The following ANG variants were observed in gnomAD, a reference collection of about 807,000 sequenced individuals.
ANG encodes angiogenin.
For missense variants in ANG, 178 were observed against 187.4 expected (o/e 0.95, Z 0.29); for synonymous variants, 74 against 73.8 (o/e 1.00, Z -0.02).
chr14:20,693,462 T>C, intron 1 of ANG, 85 bp from the exon 2 acceptor site: 2 of 1,545,622 alleles, frequency 1.3e-6, no homozygotes, highest in South Asian at 1.1e-5. Flanking sequence ...CATGATGCCG[T>C]GTCAGAGAGC....
Position 20,693,776 on chromosome 14 carries a change from A to G in ANG, c.212A>G (p.His71Arg), listed in dbSNP as rs1478131226. The G allele has an allele frequency of 1.9e-6, 3 of 1,614,198 alleles. No individual in the cohort carries two copies. The highest frequency in any genetic ancestry group is 1.3e-5 in the African/African-American group (1 of 75,048). The change falls in exon 2 of 2, where the codon CAT becomes CGT. Residue 71 changes from histidine (H) to arginine (R), a missense_variant. Coordinates refer to ENST00000397990, the MANE Select transcript of ANG (RefSeq NM_001097577.3). ...SPCKDINTFI[H>R]GNKRSIKAIC... ...TGCAAAGACATCAACACATTTATTC[A>G]TGGCAACAAGCGCAGCATCAAGGCC...
chr14:20,686,948 C>G, upstream of ANG, among the ~76,000 whole-genome samples: 1 of 152,234 alleles, frequency 6.6e-6, no homozygotes, highest in African/African-American at 2.4e-5. Flanking sequence ...AAACAGGACC[C>G]GTGCATCCCG....
upstream of ANG, chr14:20,684,403 C>T (rs1417262665): frequency 2.0e-5 from 3 of 152,236 alleles, no homozygotes; most frequent in Non-Finnish European, 4.4e-5. Context: ...GCGCGGATCC[C>T]AGGCTCGTTC....
upstream of ANG, among the ~76,000 whole-genome samples, chr14:20,687,487 G>A (rs1886480341): frequency 6.6e-6 from 1 of 152,216 alleles, no homozygotes; most frequent in South Asian, 2.1e-4. Flanking sequence ...TGTGTGTGCA[G>A]GCGCATATGG....
upstream of ANG, among the ~76,000 whole-genome samples, chr14:20,687,795 A>C (rs1886494234): frequency 2.0e-5 from 3 of 152,244 alleles, no homozygotes; most frequent in Admixed American, 6.5e-5. Flanking sequence ...TTTTACTAGC[A>C]GGCAGCCTGT....
chr14:20,692,694 TGA>T (rs1238955991), intron 1 of ANG, among the ~76,000 whole-genome samples: 2 of 152,206 alleles, frequency 1.3e-5, no homozygotes, highest in Non-Finnish European at 2.9e-5. Context: ...TCCACAAAAA[TGA>T]TCCCTGGTGC....
chr14:20,689,737 C>T (rs534301227), intron 1 of ANG, among the ~76,000 whole-genome samples: 5 of 151,862 alleles, frequency 3.3e-5, no homozygotes, highest in Admixed American at 6.5e-5. Context: ...GCCGACATGG[C>T]GAAACCCCGT....
Position 20,693,662 on chromosome 14 carries a change from T to C in ANG, c.98T>C (p.Phe33Ser). ...CAGGATAACTCCAGGTACACACACT[T>C]CCTGACCCAGCACTATGATGCCAAA... ...LAQDNSRYTH[F>S]LTQHYDAKPQ... The change falls in exon 2 of 2, where the codon TTC becomes TCC. Residue 33 changes from phenylalanine to serine, a missense_variant. By Grantham distance (155) the Phe-to-Ser change is radical. Coordinates refer to ENST00000397990, the MANE Select transcript of ANG (RefSeq NM_001097577.3). The C allele has an allele frequency of 1.9e-6, 3 of 1,614,114 alleles. No individual in the cohort carries two copies. The highest frequency in any genetic ancestry group is 2.5e-6 in the Non-Finnish European group (3 of 1,180,022).
upstream of ANG, among the ~76,000 whole-genome samples, chr14:20,686,229 T>C (rs1307433538): frequency 6.6e-6 from 1 of 152,098 alleles, no homozygotes; most frequent in Non-Finnish European, 1.5e-5. Flanking sequence ...GGTACGATGT[T>C]AGTAACAGGA....
chr14:20,685,665 A>C (rs1594200475), upstream of ANG, among the ~76,000 whole-genome samples: 1 of 152,224 alleles, frequency 6.6e-6, no homozygotes, highest in Admixed American at 6.5e-5. Flanking sequence ...GTAATAGTCA[A>C]TGTAGGTTTC....
At chr14:20,690,936 G>A (rs1484309563) in intron 1 of ANG, among the ~76,000 whole-genome samples, 2 of 152,218 alleles carry the variant, frequency 1.3e-5, no homozygotes, top group Admixed American at 6.5e-5. Flanking sequence ...AATGGCACCC[G>A]TGAAACCTGA....
intron 1 of ANG, 161 bp from the exon 2 acceptor site, chr14:20,693,386 C>A: frequency 1.1e-6 from 1 of 892,206 alleles, no homozygotes. Context: ...AAGGGATTGA[C>A]GAAGTGTGAG....
intron 1 of ANG, among the ~76,000 whole-genome samples, chr14:20,691,980 G>A (rs1304798630): frequency 1.3e-5 from 2 of 152,154 alleles, no homozygotes; most frequent in African/African-American, 4.8e-5. Context: ...ACTCCCTTCT[G>A]TGAACAGCAA....
chr14:20,693,938 GA>G lies in ANG; in HGVS notation c.377del (p.Asn126ThrfsTer68). 1 of 1,614,126 alleles carries G rather than the reference GA, an allele frequency of 6.2e-7. No individual in the cohort carries two copies. The highest frequency in any genetic ancestry group is 1.7e-5 in the Admixed American group (1 of 60,020). On this transcript the variant is annotated frameshift_variant, in exon 2 of 2. Coordinates refer to ENST00000397990, the MANE Select transcript of ANG (RefSeq NM_001097577.3). LOFTEE classifies it low-confidence loss of function (END_TRUNC). The stretch of plus-strand genomic sequence containing the variant: ...CAGTACCGAGCCACAGCGGGGTTCA[GA>G]AACGTTGTTGTTGCTTGTGAAAATG... The part of the protein sequence containing the change: ...PCQYRATAGF[R>X]NVVVACENGL...
intron 1 of ANG, among the ~76,000 whole-genome samples, chr14:20,689,644 T>G (rs1052675549): frequency 3.3e-5 from 5 of 152,154 alleles, no homozygotes; most frequent in African/African-American, 1.2e-4. Flanking sequence ...GGGCCAGGTG[T>G]GGTGGCTCAC....
At chr14:20,684,388 A>G (rs1419229595), upstream of ANG, 1 of 152,174 alleles carries the variant, frequency 6.6e-6, no homozygotes, top group Non-Finnish European at 1.5e-5. Context: ...CCAGCTGAGG[A>G]AGGAGCGCGG....
At chr14:20,689,001 C>A (rs767809814) in intron 1 of ANG, 127 bp downstream of exon 1, 33 of 386,604 alleles carry the variant, frequency 8.5e-5, no homozygotes, top group Non-Finnish European at 1.1e-4. Context: ...GGATCAGATT[C>A]TAAAGTTTAA....
chr14:20,690,348 T>C (rs917709589), intron 1 of ANG, among the ~76,000 whole-genome samples: 4 of 151,716 alleles, frequency 2.6e-5, no homozygotes, highest in Admixed American at 6.6e-5. Context: ...GATATATCTA[T>C]AGGACTTTTG....
intron 1 of ANG, 83 bp from the exon 2 acceptor site, chr14:20,693,464 T>G: frequency 6.4e-7 from 1 of 1,559,028 alleles, no homozygotes; most frequent in African/African-American, 1.3e-5. Flanking sequence ...TGATGCCGTG[T>G]CAGAGAGCAA....
Sources: allele counts gnomAD v4.1 joint callset (sites outside exome capture counted in the v4.1 genomes callset), GRCh38; gene constraint gnomAD v4.1.1; transcripts MANE v1.5; gene names NCBI Gene and HGNC (gene_info 2026-07-23, HGNC 2026-07-21).